Variants in CD109 observed in about 807,000 individuals in gnomAD.
CD109 encodes CD109 molecule.
In CD109, 149 loss-of-function variants were observed where a neutral mutation model predicts 165.8. The observed-to-expected ratio is 0.90, with a 90% confidence interval of 0.79 to 1.03. The LOEUF (loss-of-function observed/expected upper bound fraction) is 1.03. CD109 is among the 50% of genes least tolerant of loss of function. CD109 has a pLI of 0.00. For synonymous variants in CD109, 585 were observed against 592.1 expected (o/e 0.99, Z 0.18); for missense variants, 1,712 against 1,677.8 (o/e 1.02, Z -0.36).
At chr6:73,735,158 T>G (rs1171028000) in intron 4 of CD109, among the ~76,000 whole-genome samples, 1 of 152,150 alleles carries the variant, frequency 6.6e-6, no homozygotes, top group African/African-American at 2.4e-5. Flanking sequence ...GAAATGTAGA[T>G]GGAGTAGTAT....
Position 73,696,234 on chromosome 6 carries a change from C to A in CD109, c.19C>A (p.Leu7Met), listed in dbSNP as rs989675092. 14 of 1,544,630 alleles carry A rather than the reference C, an allele frequency of 9.1e-6. No individual in the cohort carries two copies. The highest frequency in any genetic ancestry group is 1.1e-5 in the Non-Finnish European group (13 of 1,149,620). Residue 7 changes from leucine to methionine, a missense_variant, in exon 1 of 33, where the codon CTG becomes ATG. Transcript: ENST00000287097. MQGPPL[L>M]TAAHLLCVCT... ...CGTCGAGATGCAGGGCCCACCGCTC[C>A]TGACCGCCGCCCACCTCCTCTGCGT...
intron 1 of CD109, 98 bp downstream of exon 1, chr6:73,696,387 G>C (rs966877495): frequency 6.8e-5 from 71 of 1,047,740 alleles, no homozygotes; most frequent in Middle Eastern, 3.3e-4. Flanking sequence ...CTGCTGTGCA[G>C]CAGCGGGTGG....
intron 23 of CD109, among the ~76,000 whole-genome samples, chr6:73,802,793 G>C (rs143304782): frequency 1.3e-5 from 2 of 150,056 alleles, no homozygotes; most frequent in Non-Finnish European, 3.0e-5. Context: ...TCTGCTTCCT[G>C]GGTTCAAGCG....
chr6:73,779,739 C>A (rs1249128507), intron 15 of CD109, among the ~76,000 whole-genome samples: 1 of 151,444 alleles, frequency 6.6e-6, no homozygotes, highest in African/African-American at 2.4e-5. Context: ...GTGTATATAC[C>A]TAGGAGTGGA....
chr6:73,749,001 T>C (rs1369456090), intron 5 of CD109, among the ~76,000 whole-genome samples: 1 of 152,186 alleles, frequency 6.6e-6, no homozygotes, highest in Non-Finnish European at 1.5e-5. Flanking sequence ...AAATAGGGTA[T>C]TACATGATTG....
At chr6:73,711,539 T>TAAAATA (rs372829764) in intron 2 of CD109, among the ~76,000 whole-genome samples, 12 of 20,826 alleles carry the variant, frequency 5.8e-4, no homozygotes, top group Admixed American at 7.1e-4. Context: ...TTTAAGTTTT[T>TAAAATA]TTTTTTTTTT....
chr6:73,808,826 G>A (rs1382020309), intron 26 of CD109, among the ~76,000 whole-genome samples: 1 of 151,790 alleles, frequency 6.6e-6, no homozygotes, highest in Non-Finnish European at 1.5e-5. Flanking sequence ...GTGTGTGTGT[G>A]TGTGTGTGTG....
intron 4 of CD109, among the ~76,000 whole-genome samples, chr6:73,733,356 T>C (rs889907252): frequency 1.3e-5 from 2 of 152,182 alleles, no homozygotes; most frequent in Non-Finnish European, 2.9e-5. Context: ...GCTAAGATAC[T>C]GACTGTCACA....
intron 23 of CD109, among the ~76,000 whole-genome samples, chr6:73,800,857 TA>T (rs1775337159): frequency 6.6e-6 from 1 of 152,294 alleles, no homozygotes; most frequent in East Asian, 1.9e-4. Context: ...AAAAATTACA[TA>T]ATATTGATAT....
chr6:73,720,675 C>G (rs1360273980), intron 2 of CD109, among the ~76,000 whole-genome samples: 1 of 152,104 alleles, frequency 6.6e-6, no homozygotes, highest in African/African-American at 2.4e-5. Flanking sequence ...AAAACATTTT[C>G]AGAGTTAATT....
chr6:73,716,129 G>A (rs1406200854), intron 2 of CD109, among the ~76,000 whole-genome samples: 1 of 152,170 alleles, frequency 6.6e-6, no homozygotes, highest in Non-Finnish European at 1.5e-5. Flanking sequence ...TTATGGCTGA[G>A]TAGTACTTAA....
intron 24 of CD109, among the ~76,000 whole-genome samples, chr6:73,804,340 T>C (rs1346920605): frequency 5.3e-5 from 8 of 152,254 alleles, no homozygotes; most frequent in African/African-American, 1.9e-4. Flanking sequence ...TGCTTGATGT[T>C]CTTTTTACCT....
chr6:73,802,695 C>CTTTTT (rs572988991), intron 23 of CD109, among the ~76,000 whole-genome samples: 5 of 127,968 alleles, frequency 3.9e-5, no homozygotes, highest in African/African-American at 1.4e-4. Context: ...ATATCACAGG[C>CTTTTT]TTTTTTTTTT....
chr6:73,708,606 G>A (rs1172519504), intron 2 of CD109, among the ~76,000 whole-genome samples: 3 of 152,180 alleles, frequency 2.0e-5, no homozygotes, highest in Non-Finnish European at 4.4e-5. Flanking sequence ...CTAGTTTACA[G>A]TCCCACCAAC....
At chr6:73,719,531 A>C (rs1771867773) in intron 2 of CD109, among the ~76,000 whole-genome samples, 1 of 152,148 alleles carries the variant, frequency 6.6e-6, no homozygotes, top group African/African-American at 2.4e-5. Flanking sequence ...ATGAACTCAT[A>C]GATTCTTGTT....
rs41265541 is a variant in CD109 at position 73,766,697 on chromosome 6, A to G, written c.1333-62A>G. ...GTCTTTAATAATTGTTCAGCAGGTA[A>G]CATCTTTTCTCAAGGTGTTACTAAA... is the stretch of plus-strand genomic sequence containing the variant. On this transcript the variant is annotated intron_variant, in intron 11 of 32. Coordinates refer to ENST00000287097, the MANE Select transcript of CD109 (RefSeq NM_133493.5). 310 of 1,180,606 alleles carry G rather than the reference A, an allele frequency of 2.6e-4. 1 individual carries two copies. In the African/African-American group the frequency reaches 4.0e-3, roughly 15 times the overall value. 73.1% of individuals were successfully genotyped at this position (1,180,606 alleles called of 1,614,324 possible). A position where few individuals can be genotyped will look rare whatever the true frequency, so the allele number is the denominator to read the frequency against.
chr6:73,812,301 A>G, intron 29 of CD109, 31 bp downstream of exon 29: 1 of 1,388,552 alleles, frequency 7.2e-7, no homozygotes, highest in Non-Finnish European at 1.0e-6. Context: ...TTTTAAGTTA[A>G]ATATGACTTT....
intron 15 of CD109, among the ~76,000 whole-genome samples, chr6:73,776,375 C>T (rs916127471): frequency 6.6e-6 from 1 of 151,914 alleles, no homozygotes. Flanking sequence ...GCCTCAGCCT[C>T]CCGAGTAGCT....
chr6:73,727,098 G>A (rs1772168260), intron 3 of CD109, among the ~76,000 whole-genome samples: 1 of 152,176 alleles, frequency 6.6e-6, no homozygotes, highest in African/African-American at 2.4e-5. Context: ...ACCTCATAGT[G>A]TCCACTCTGC....
Sources: gnomAD v4.1 joint callset for allele counts (sites outside exome capture counted in the v4.1 genomes callset) on GRCh38, gnomAD v4.1.1 for gene constraint, MANE v1.5 for transcripts, NCBI Gene and HGNC (gene_info 2026-07-23, HGNC 2026-07-21) for gene names.